Variants in TENM2 observed in about 807,000 individuals in gnomAD.
TENM2 encodes the protein teneurin-2.
TENM2 carries 52 observed loss-of-function variants against 245.2 expected under a neutral mutation model. The observed-to-expected ratio is 0.21, with a 90% CI of 0.17 to 0.27. The LOEUF (loss-of-function observed/expected upper bound fraction) is 0.27, where lower values mean the gene tolerates loss of function less well. TENM2 is among the 10% of genes least tolerant of loss of function. The probability of loss-of-function intolerance (pLI) is 1.00; values close to 1 mark genes in which losing one functional copy is unlikely to be tolerated. For synonymous variants in TENM2, 1,363 were observed against 1,438.9 expected, an observed-to-expected ratio of 0.95 and a Z score of 1.19; for missense variants, 3,046 against 3,666.8, an observed-to-expected ratio of 0.83 and a Z score of 4.37.
At chr5:167,801,105 AAAAAATATATAT>A (rs1241004608) in intron 2 of TENM2, among the ~76,000 whole-genome samples, 7 of 64,590 alleles carry the variant, frequency 1.1e-4, no homozygotes, top group Admixed American at 4.2e-4. Context: ...GAAAAAAAAA[AAAAAATATATAT>A]ATATATATAT....
chr5:167,860,551 G>T (rs1403497079), intron 2 of TENM2, among the ~76,000 whole-genome samples: 1 of 119,216 alleles, frequency 8.4e-6, no homozygotes, highest in Non-Finnish European at 1.7e-5. Flanking sequence ...GTGCCCAACA[G>T]CTCATTGAGA....
chr5:167,505,883 A>T (rs767943547), intron 2 of TENM2, among the ~76,000 whole-genome samples: 8 of 152,260 alleles, frequency 5.3e-5, no homozygotes, highest in African/African-American at 1.9e-4. Flanking sequence ...GTCTTACGGA[A>T]TTGCTATTTA....
At chr5:167,662,867 G>T (rs931784445) in intron 2 of TENM2, among the ~76,000 whole-genome samples, 8 of 152,116 alleles carry the variant, frequency 5.3e-5, no homozygotes, top group African/African-American at 1.9e-4. Context: ...AGAGCCCATA[G>T]ATCAACAAGA....
Position 167,792,806 on chromosome 5 carries a change from A to C in TENM2, c.503-83180A>C, listed in dbSNP as rs112441235. Among the ~76,000 whole-genome samples, 583 of 151,958 alleles carry C rather than the reference A, an allele frequency of 3.8e-3. 4 individuals carry two copies. The highest frequency in any genetic ancestry group is 0.013 in the African/African-American group (553 of 41,440). On this transcript the variant is annotated intron_variant, in intron 2 of 28. Transcript: ENST00000518659. The stretch of plus-strand genomic sequence containing the variant: ...TGTTAACAGGCATTTACATGATAAT[A>C]GCGGTGTCAGCATGTGCAATGTTAT...
At chr5:168,088,558 A>G (rs962162588) in intron 7 of TENM2, among the ~76,000 whole-genome samples, 2 of 152,214 alleles carry the variant, frequency 1.3e-5, no homozygotes, top group Non-Finnish European at 2.9e-5. Context: ...ATTTGCAAGT[A>G]GGTGACTCAT....
intron 4 of TENM2, among the ~76,000 whole-genome samples, chr5:167,957,474 T>C (rs1780653106): frequency 6.6e-6 from 1 of 152,206 alleles, no homozygotes; most frequent in Non-Finnish European, 1.5e-5. Flanking sequence ...TCTATCTCCT[T>C]CAGTTCTGCT....
intron 2 of TENM2, among the ~76,000 whole-genome samples, chr5:167,718,856 A>G (rs78096327): frequency 6.6e-6 from 1 of 151,948 alleles, no homozygotes; most frequent in East Asian, 1.9e-4. Context: ...CAGTTTCCTT[A>G]TCAGCACAAT....
intron 2 of TENM2, among the ~76,000 whole-genome samples, chr5:167,745,269 C>T (rs1368534931): frequency 6.6e-6 from 1 of 152,224 alleles, no homozygotes; most frequent in Non-Finnish European, 1.5e-5. Context: ...ACATTGGCTG[C>T]TCCAACCATC....
the TENM2 span, among the ~76,000 whole-genome samples, chr5:166,990,464 G>A: frequency 1.4e-3 from 214 of 152,186 alleles, no homozygotes; most frequent in African/African-American, 5.0e-3. Flanking sequence ...AAATAATCCG[G>A]CTGGCTGAAT....
At chr5:167,945,378 T>C (rs899334745) in intron 3 of TENM2, among the ~76,000 whole-genome samples, 1 of 152,190 alleles carries the variant, frequency 6.6e-6, no homozygotes, top group Admixed American at 6.5e-5. Context: ...GAGAATTATG[T>C]TACTTAACCT....
At chr5:167,076,870 G>T in the TENM2 span, among the ~76,000 whole-genome samples, 2 of 151,770 alleles carry the variant, frequency 1.3e-5, no homozygotes, top group East Asian at 1.9e-4. Context: ...ACAGAGTCTC[G>T]CCCTCTGTTG....
exon 16 of TENM2, chr5:168,198,909 C>T (rs778406486): frequency 6.8e-6 from 11 of 1,614,064 alleles, no homozygotes; most frequent in Non-Finnish European, 8.5e-6. Flanking sequence ...GAGCGAGCCC[C>T]GTTCATGAGC....
intron 3 of TENM2, among the ~76,000 whole-genome samples, chr5:167,889,640 C>T (rs1333254248): frequency 6.6e-6 from 1 of 151,996 alleles, no homozygotes; most frequent in East Asian, 1.9e-4. Context: ...CGATTTTGTT[C>T]CTGTGGGAGC....
intron 2 of TENM2, among the ~76,000 whole-genome samples, chr5:167,807,628 A>C (rs144424404): frequency 1.1e-4 from 4 of 35,294 alleles, no homozygotes; most frequent in African/African-American, 4.0e-4. Context: ...TTTTTTTAAA[A>C]AAAAAAAAAA....
intron 2 of TENM2, chr5:167,573,894 AG>A (rs1582425546): frequency 6.6e-6 from 1 of 151,570 alleles, no homozygotes; most frequent in Non-Finnish European, 1.5e-5. Context: ...AAAAAAGAAA[AG>A]AAAAAAAAAG....
chr5:167,379,251 A>G (rs1760949634), intron 2 of TENM2, among the ~76,000 whole-genome samples: 1 of 152,170 alleles, frequency 6.6e-6, no homozygotes, highest in Admixed American at 6.5e-5. Context: ...TGTGAAACAC[A>G]GATTCTATTA....
chr5:167,819,066 G>A (rs1428083668), intron 2 of TENM2, among the ~76,000 whole-genome samples: 1 of 151,994 alleles, frequency 6.6e-6, no homozygotes, highest in Non-Finnish European at 1.5e-5. Context: ...GACTGTGTGT[G>A]TGTGTGTGTG....
intron 4 of TENM2, among the ~76,000 whole-genome samples, chr5:167,992,467 A>G (rs994407710): frequency 1.3e-5 from 2 of 152,220 alleles, no homozygotes; most frequent in African/African-American, 4.8e-5. Flanking sequence ...TGGTTGCATA[A>G]TATTCCACGG....
the TENM2 span, among the ~76,000 whole-genome samples, chr5:167,252,310 A>G: frequency 6.6e-6 from 1 of 152,188 alleles, no homozygotes; most frequent in Non-Finnish European, 1.5e-5. Flanking sequence ...CTATTAGTAT[A>G]GTTCAATAAG....
Sources: allele counts gnomAD v4.1 joint callset (sites outside exome capture counted in the v4.1 genomes callset), GRCh38; gene constraint gnomAD v4.1.1; transcripts MANE v1.5; gene names NCBI Gene and HGNC (gene_info 2026-07-23, HGNC 2026-07-21).